MYO18A: variants seen among roughly 807,000 people sequenced by gnomAD.
MYO18A encodes myosin XVIIIA.
A neutral mutation model predicts 235.8 loss-of-function variants in MYO18A; 78 were observed. That is an observed-to-expected ratio of 0.33 (90% CI 0.28 to 0.40). MYO18A has a LOEUF of 0.40. MYO18A is among the 10% of genes least tolerant of loss of function. The pLI is 1.00. For missense variants in MYO18A, 2,215 were observed against 2,699.3 expected (o/e 0.82, Z 3.98); for synonymous variants, 977 against 1,077.8 (o/e 0.91, Z 1.83).
rs376388005 is a variant in MYO18A at position 29,097,324 on chromosome 17, G to T, written c.4129C>A (p.Arg1377=). The T allele has an allele frequency of 4.0e-5, 64 of 1,609,058 alleles. No individual in the cohort carries two copies. Among genetic ancestry groups the T allele is most frequent in the Non-Finnish European group, 5.3e-5 (62 of 1,179,756 alleles). ...GTGAAGTCCACCTCCCGCACAGCCC[G>T]CTCATACTTCAGCCGCCACTCGCCA... ...AGGEWRLKYE[R]AVREVDFTKK... Residue 1377 remains arginine (R), a synonymous_variant, in exon 27 of 42, where the codon CGG becomes AGG. Coordinates refer to ENST00000527372, the MANE Select transcript of MYO18A (RefSeq NM_078471.4).
rs141323766 is a variant in MYO18A at position 29,140,801 on chromosome 17, T to TACACAC, written c.1000-18554_1000-18549dup. On this transcript the variant is annotated intron_variant, in intron 2 of 41. Coordinates refer to ENST00000527372, the MANE Select transcript of MYO18A (RefSeq NM_078471.4). This position sits in a 1 kb window ranked among gnomAD's most constrained non-coding sequence, Gnocchi z 4.2. ...GCGCACTCATGTGCATGTACACGTA[T>TACACAC]ACACACACACACACACACACCAGCA... is the stretch of plus-strand genomic sequence containing the variant. Among the ~76,000 whole-genome samples, 36 of 150,762 alleles carry TACACAC rather than the reference T, an allele frequency of 2.4e-4. No individual in the cohort carries two copies. The highest frequency in any genetic ancestry group is 8.7e-4 in the African/African-American group (36 of 41,170).
intron 2 of MYO18A, chr17:29,136,880 T>C (rs1347584594): frequency 2.0e-5 from 3 of 152,170 alleles, no homozygotes; most frequent in Non-Finnish European, 4.4e-5. Flanking sequence ...AGTGTGCAAC[T>C]CTCCAAATCG....
At chr17:29,090,405 C>T in intron 36 of MYO18A, 127 bp downstream of exon 36, 2 of 843,668 alleles carry the variant, frequency 2.4e-6, no homozygotes, top group Non-Finnish European at 3.7e-6. Flanking sequence ...TCTTGCTCCT[C>T]ATTTACGCTG....
chr17:29,129,537 G>A (rs556144392), intron 2 of MYO18A, among the ~76,000 whole-genome samples: 41 of 152,346 alleles, frequency 2.7e-4, no homozygotes, highest in Non-Finnish European at 4.6e-4. Flanking sequence ...ATTGCCTGGG[G>A]AGCGTAAGGG....
chr17:29,111,450 G>A lies in MYO18A; in HGVS notation c.2874C>T (p.Ala958=), dbSNP rs61735008. Reference sequence around the variant, plus strand: ...TCTGGGAGTCCTGCAGGAGCCGGGGGGCATTCTGGGTGGCTGGGTTCTGCT... The same window carrying A: ...TCTGGGAGTCCTGCAGGAGCCGGGGAGCATTCTGGGTGGCTGGGTTCTGCT... ...YTKQNPATQN[A]PRLLQDSQKK... is the part of the protein sequence containing the mutation. The change falls in exon 17 of 42, where the codon GCC becomes GCT. Residue 958 remains alanine (A), a synonymous_variant. Coordinates refer to ENST00000527372, the MANE Select transcript of MYO18A (RefSeq NM_078471.4). This position sits in a 1 kb window ranked among gnomAD's most constrained non-coding sequence, Gnocchi z 5.1. 6.2e-7 allele frequency: 1 copy of A among 1,612,492 alleles called. No homozygotes were observed. The highest frequency in any genetic ancestry group is 8.5e-7 in the Non-Finnish European group (1 of 1,179,364).
intron 34 of MYO18A, chr17:29,091,486 T>C: frequency 2.7e-6 from 1 of 375,478 alleles, no homozygotes; most frequent in East Asian, 7.6e-5. Flanking sequence ...CTGTGTTGGC[T>C]CCTTCTCTGC....
intron 41 of MYO18A, chr17:29,075,686 G>T (rs2065956459): frequency 6.1e-6 from 1 of 164,444 alleles, no homozygotes; most frequent in Admixed American, 6.5e-5. Flanking sequence ...GCACTGAACA[G>T]GGAAGAGGGG....
chr17:29,074,528 C>G lies in MYO18A; in HGVS notation c.*242G>C, dbSNP rs930046538. On this transcript the variant is annotated 3_prime_UTR_variant, in exon 42 of 42. Coordinates refer to ENST00000527372, the MANE Select transcript of MYO18A (RefSeq NM_078471.4). The surrounding 1 kb of genome is among the most constrained non-coding windows in gnomAD (Gnocchi z 4.4). ...GTGACACAGGGTAGAAGCCAAGAGT[C>G]TGGCATTTTGAGACAGAGGAGCAAA... 2 of 591,674 alleles carry G rather than the reference C, an allele frequency of 3.4e-6. No homozygotes were observed. The highest frequency in any genetic ancestry group is 3.7e-5 in the African/African-American group (2 of 53,658). 36.7% of individuals were successfully genotyped at this position (591,674 alleles called of 1,614,324 possible).
intron 2 of MYO18A, among the ~76,000 whole-genome samples, chr17:29,160,956 G>A (rs1482023407): frequency 2.6e-5 from 4 of 152,194 alleles, no homozygotes; most frequent in Non-Finnish European, 4.4e-5. Flanking sequence ...AGTGGCTCAC[G>A]CCTGTAATCC....
chr17:29,107,050 A>G, intron 20 of MYO18A, 30 bp downstream of exon 20: 1 of 1,599,898 alleles, frequency 6.3e-7, no homozygotes, highest in Non-Finnish European at 8.6e-7. Context: ...GCCTGGGCAG[A>G]GGGAGAGCGG....
chr17:29,160,991 G>A (rs1230420477), intron 2 of MYO18A, among the ~76,000 whole-genome samples: 1 of 152,144 alleles, frequency 6.6e-6, no homozygotes, highest in Non-Finnish European at 1.5e-5. Context: ...CCTGAGGCAG[G>A]TAGATAGCTT....
intron 27 of MYO18A, 102 bp from the exon 28 acceptor site, chr17:29,097,017 A>G (rs2152776386): frequency 1.4e-6 from 2 of 1,418,490 alleles, no homozygotes; most frequent in Non-Finnish European, 1.9e-6. Flanking sequence ...CCAGGGATGC[A>G]GGAGGAAGTC....
intron 36 of MYO18A, 62 bp from the exon 37 acceptor site, chr17:29,090,160 T>C: frequency 1.3e-6 from 2 of 1,554,158 alleles, no homozygotes; most frequent in Non-Finnish European, 8.7e-7. Flanking sequence ...AGACTGCGTC[T>C]GGGGCAGGCA....
In MYO18A at chr17:29,109,499, T is replaced by A. The variant is rs1439438771; in HGVS notation, c.3331+359A>T. Among the ~76,000 whole-genome samples the A allele has an allele frequency of 6.6e-6, 1 of 152,224 alleles. No individual in the cohort carries two copies. Among genetic ancestry groups the A allele is most frequent in the Non-Finnish European group, 1.5e-5 (1 of 68,036 alleles). ...AGCACCTCATTTCTCACTGGGCAGA[T>A]GGCTCCGAAAGGGCACTGGGTTTGC... On this transcript the variant is annotated intron_variant, in intron 19 of 41. Coordinates refer to ENST00000527372, the MANE Select transcript of MYO18A (RefSeq NM_078471.4). The surrounding 1 kb of genome is among the most constrained non-coding windows in gnomAD (Gnocchi z 4.1).
chr17:29,169,744 G>C (rs2068360662), intron 1 of MYO18A, among the ~76,000 whole-genome samples: 1 of 152,098 alleles, frequency 6.6e-6, no homozygotes, highest in Admixed American at 6.6e-5. Flanking sequence ...AGAGTATCAT[G>C]GCCTCAGTTC....
At chr17:29,100,074 T>C (rs1199777669) in intron 21 of MYO18A, among the ~76,000 whole-genome samples, 1 of 152,124 alleles carries the variant, frequency 6.6e-6, no homozygotes, top group Non-Finnish European at 1.5e-5. Context: ...GGAGCAGTCA[T>C]TGGTCAAACA....
chr17:29,127,095 A>G (rs1185902676), intron 2 of MYO18A, among the ~76,000 whole-genome samples: 1 of 152,144 alleles, frequency 6.6e-6, no homozygotes, highest in Non-Finnish European at 1.5e-5. Flanking sequence ...GGCTTGGAGC[A>G]TTATCTGTAT....
At position 29,106,603 on chromosome 17, in the gene MYO18A, C is replaced by T. The variant is rs555155038; in HGVS notation, c.3441+477G>A. Among the ~76,000 whole-genome samples, 54 of 152,274 alleles carry T rather than the reference C, an allele frequency of 3.5e-4. No individual in the cohort carries two copies. The highest frequency in any genetic ancestry group is 1.2e-3 in the African/African-American group (49 of 41,554). ...CCCAGACGGGCAGGGACACCCCTTC[C>T]GCAGCCACAAGTTCACCAACCAGGG... On this transcript the variant is annotated intron_variant, in intron 20 of 41. Coordinates refer to ENST00000527372, the MANE Select transcript of MYO18A (RefSeq NM_078471.4). This position sits in a 1 kb window ranked among gnomAD's most constrained non-coding sequence, Gnocchi z 4.6.
chr17:29,131,262 G>T, intron 2 of MYO18A: 1 of 460,130 alleles, frequency 2.2e-6, no homozygotes, highest in Non-Finnish European at 2.9e-6. Flanking sequence ...TGTCTCACAG[G>T]CTAGTCCAGG....
Sources: allele counts gnomAD v4.1 joint callset (sites outside exome capture counted in the v4.1 genomes callset), GRCh38; gene constraint gnomAD v4.1.1; non-coding constraint Gnocchi (gnomAD v3.1); transcripts MANE v1.5; gene names NCBI Gene and HGNC (gene_info 2026-07-23, HGNC 2026-07-21).